Variants in MAGI1 observed in about 807,000 individuals in gnomAD.
MAGI1 encodes the protein membrane associated guanylate kinase, WW and PDZ domain containing 1, also known as membrane-associated guanylate kinase, WW and PDZ domain-containing protein 1.
In MAGI1, 58 loss-of-function variants were observed where a neutral mutation model predicts 139.9. The ratio of observed to expected loss-of-function variants is 0.41; its 90% CI spans 0.34 to 0.52. The LOEUF (loss-of-function observed/expected upper bound fraction) is 0.52, where lower values mean the gene tolerates loss of function less well. MAGI1 is among the 20% of genes least tolerant of loss of function. The pLI, the probability that MAGI1 is intolerant of heterozygous loss-of-function variation, is 0.12. For synonymous variants in MAGI1, 812 were observed against 737.9 expected, an observed-to-expected ratio of 1.10 and a Z score of -1.63; for missense variants, 1,874 against 1,901.6, an observed-to-expected ratio of 0.99 and a Z score of 0.27.
chr3:65,375,774 G>C lies in MAGI1; in HGVS notation c.3167C>G (p.Thr1056Arg). Residue 1056 changes from threonine to arginine, a missense_variant, in exon 18 of 23, where the codon ACA (threonine) becomes AGA (arginine). Physicochemically the swap from Thr to Arg is moderately conservative, Grantham distance 71. Transcript: ENST00000402939. ...CCCAGGAATGATGCGGAGGGTAACT[G>C]TGTTTCCCGCTTCCTTGATTAGGTT... is the stretch of plus-strand genomic sequence containing the variant. The part of the protein sequence containing the change: ...IVNLIKEAGN[T>R]VTLRIIPGDE... 1 of 1,613,698 alleles carries C rather than the reference G, an allele frequency of 6.2e-7. No individual in the cohort carries two copies. Among genetic ancestry groups the C allele is most frequent in the Non-Finnish European group, 8.5e-7 (1 of 1,179,638 alleles).
At chr3:65,911,907 G>C (rs1048137300) in intron 1 of MAGI1, among the ~76,000 whole-genome samples, 1 of 152,134 alleles carries the variant, frequency 6.6e-6, no homozygotes, top group African/African-American at 2.4e-5. Flanking sequence ...ATTATAGGTA[G>C]GGTTATCCCA....
At chr3:65,526,797 T>G (rs1370297583) in intron 2 of MAGI1, among the ~76,000 whole-genome samples, 2 of 152,120 alleles carry the variant, frequency 1.3e-5, no homozygotes, top group Non-Finnish European at 2.9e-5. Flanking sequence ...AACTTGGTGA[T>G]TAAACATTCC....
At chr3:65,775,668 C>T (rs573491025) in intron 1 of MAGI1, among the ~76,000 whole-genome samples, 1 of 152,004 alleles carries the variant, frequency 6.6e-6, no homozygotes, top group South Asian at 2.1e-4. Flanking sequence ...TGGTCAAACA[C>T]AGTAGCCCAC....
chr3:65,365,010 G>GA, intron 18 of MAGI1, 64 bp from the exon 19 acceptor site: 10 of 1,279,224 alleles, frequency 7.8e-6, no homozygotes, highest in Non-Finnish European at 1.1e-5. Context: ...CAGCCAGGAG[G>GA]TGTGCAGAAG....
intron 2 of MAGI1, among the ~76,000 whole-genome samples, chr3:65,543,092 A>C (rs1434334183): frequency 6.6e-6 from 1 of 152,208 alleles, no homozygotes; most frequent in Non-Finnish European, 1.5e-5. Context: ...AAAGTAGGCA[A>C]AGGATATGAA....
Position 65,391,262 on chromosome 3 carries a change from C to G in MAGI1, c.2296G>C (p.Val766Leu). 2 of 1,614,088 alleles carry G rather than the reference C, an allele frequency of 1.2e-6. No individual in the cohort carries two copies. Among genetic ancestry groups the G allele is most frequent in the Non-Finnish European group, 1.7e-6 (2 of 1,180,030 alleles). Reference protein sequence around the residue: ...HTASPSHSTQVLPEFPPAEAQ... With the variant: ...HTASPSHSTQLLPEFPPAEAQ... ...TCTGCAGGTGGGAACTCGGGGAGCA[C>G]CTGTGTGCTGTGGCTTGGGGATGCT... Residue 766 changes from valine to leucine, a missense_variant, in exon 14 of 23, where the codon GTG becomes CTG. By Grantham distance (32) the Val-to-Leu change is conservative. Around this residue, in one of 5 missense-constraint regions of MAGI1, gnomAD observed 482 missense variants for 509.6 expected, o/e 0.95. Transcript: ENST00000402939.
intron 3 of MAGI1, among the ~76,000 whole-genome samples, chr3:65,486,222 C>T (rs541257065): frequency 3.3e-5 from 5 of 152,300 alleles, no homozygotes; most frequent in African/African-American, 9.6e-5. Context: ...CATCCTCTTC[C>T]TAATTAACAT....
intron 12 of MAGI1, among the ~76,000 whole-genome samples, chr3:65,405,880 A>C (rs942992218): frequency 2.2e-5 from 3 of 135,434 alleles, no homozygotes; most frequent in African/African-American, 7.8e-5. Context: ...GATGCACGTC[A>C]CCACGCCTGG....
intron 5 of MAGI1, among the ~76,000 whole-genome samples, chr3:65,465,603 G>A (rs1189305245): frequency 6.6e-6 from 1 of 152,034 alleles, no homozygotes; most frequent in Non-Finnish European, 1.5e-5. Context: ...CAAATATGCT[G>A]TCATTTTACT....
At chr3:65,670,007 G>A (rs948316364) in intron 1 of MAGI1, among the ~76,000 whole-genome samples, 15 of 152,146 alleles carry the variant, frequency 9.9e-5, no homozygotes, top group Admixed American at 5.9e-4. Flanking sequence ...GTAAACTGTG[G>A]ATTTCTCTGA....
intron 2 of MAGI1, among the ~76,000 whole-genome samples, chr3:65,499,351 T>G (rs2076995997): frequency 6.6e-6 from 1 of 152,114 alleles, no homozygotes; most frequent in African/African-American, 2.4e-5. Context: ...TGGTAAATGG[T>G]AAAGAATGGT....
chr3:65,742,470 G>A (rs1288494937), intron 1 of MAGI1, among the ~76,000 whole-genome samples: 1 of 152,130 alleles, frequency 6.6e-6, no homozygotes, highest in East Asian at 1.9e-4. Context: ...CACCATGAAT[G>A]TTCATATGGG....
intron 1 of MAGI1, among the ~76,000 whole-genome samples, chr3:65,899,614 G>C (rs1354656374): frequency 1.1e-4 from 17 of 152,166 alleles, no homozygotes; most frequent in South Asian, 2.1e-4. Flanking sequence ...AATTAAGAGA[G>C]CTGAAAACAG....
At chr3:65,714,373 G>C (rs558865129) in intron 1 of MAGI1, among the ~76,000 whole-genome samples, 7 of 152,134 alleles carry the variant, frequency 4.6e-5, no homozygotes, top group African/African-American at 1.7e-4. Context: ...ATCCAGGAAA[G>C]AGCAGGCTTG....
Position 65,876,986 on chromosome 3 carries a change from G to A in MAGI1, c.313+161010C>T, listed in dbSNP as rs866842445. On this transcript the variant is annotated intron_variant, in intron 1 of 22. Transcript: ENST00000402939. ...TCTCAATCTCCTGACCTCATGATCC[G>A]CCCGCCTCGGCCTCCCAAAGTGCTG... Among the ~76,000 whole-genome samples, 28 of 152,070 alleles carry A rather than the reference G, an allele frequency of 1.8e-4. No individual in the cohort carries two copies. In the East Asian group the frequency reaches 1.9e-3, roughly 11 times the overall value.
intron 1 of MAGI1, among the ~76,000 whole-genome samples, chr3:66,020,849 A>G (rs938479573): frequency 2.0e-5 from 3 of 152,202 alleles, no homozygotes; most frequent in African/African-American, 7.2e-5. Context: ...GAGACAGAGC[A>G]GTCAACAGGA....
chr3:65,597,739 G>A (rs1034409965), intron 2 of MAGI1: 9 of 456,600 alleles, frequency 2.0e-5, no homozygotes, highest in South Asian at 3.1e-5. Context: ...CTCCGGCAGC[G>A]GAGCGTTCGA....
rs760893715 is a variant in MAGI1 at position 65,963,313 on chromosome 3, T to TAAAAAAAAA, written c.313+74674_313+74682dup. Among the ~76,000 whole-genome samples the TAAAAAAAAA allele has an allele frequency of 2.9e-4, 30 of 104,190 alleles. 4 individuals are homozygous for TAAAAAAAAA. Among genetic ancestry groups the TAAAAAAAAA allele is most frequent in the Admixed American group, 3.8e-4 (4 of 10,516 alleles). The allele number at this position is 104,190 out of a possible 152,430, so 68.4% of individuals were successfully genotyped here. A position where few individuals can be genotyped will look rare whatever the true frequency, so the allele number is the denominator to read the frequency against. On this transcript the variant is annotated intron_variant, in intron 1 of 22. Coordinates refer to ENST00000402939, the MANE Select transcript of MAGI1 (RefSeq NM_001033057.2). ...GTCAACAGAGCGAGACTCTGTCTCT[T>TAAAAAAAAA]AAAAAAAAAAAAAAAGTAGCTCGGC...
intron 1 of MAGI1, among the ~76,000 whole-genome samples, chr3:66,022,380 T>G (rs962742202): frequency 6.6e-6 from 1 of 152,208 alleles, no homozygotes; most frequent in Admixed American, 6.5e-5. Flanking sequence ...ATTTTCCCGA[T>G]TTTTCTCTTA....
Sources: gnomAD v4.1 joint callset for allele counts (sites outside exome capture counted in the v4.1 genomes callset) on GRCh38, gnomAD v4.1.1 for gene constraint, gnomAD v4.1.1 regional missense constraint, MANE v1.5 for transcripts, NCBI Gene and HGNC (gene_info 2026-07-23, HGNC 2026-07-21) for gene names.